NEDD9: variants seen among roughly 807,000 people sequenced by gnomAD.
NEDD9 encodes the protein neural precursor cell expressed, developmentally down-regulated 9.
Under a neutral mutation model 76.6 loss-of-function variants are expected in NEDD9, and 26 were observed. The observed-to-expected ratio is 0.34, with a 90% CI of 0.25 to 0.47. NEDD9 has a LOEUF of 0.47. NEDD9 is among the 20% of genes least tolerant of loss of function. The pLI is 1.00. For missense variants in NEDD9, 937 were observed against 1,058.5 expected (o/e 0.89, Z 1.59); for synonymous variants, 392 against 414.2 (o/e 0.95, Z 0.65).
chr6:11,343,394 A>C (rs1427599577), intron 1 of NEDD9, among the ~76,000 whole-genome samples: 3 of 151,506 alleles, frequency 2.0e-5, no homozygotes, highest in African/African-American at 7.3e-5. Context: ...GCGCCACTGC[A>C]CTCTAGCCTG....
At chr6:11,372,967 T>A (rs1273412257) in intron 1 of NEDD9, among the ~76,000 whole-genome samples, 2 of 152,206 alleles carry the variant, frequency 1.3e-5, no homozygotes, top group African/African-American at 4.8e-5. Context: ...TTATTTTTAA[T>A]GCTTGTCTTT....
chr6:11,226,781 ACAT>A lies in NEDD9; in HGVS notation c.12+5720_12+5722del, dbSNP rs371878401. ...ATATCTTTGTGGGTATGTGTATATA[ACAT>A]CATATAATAGCTGCCATTTATTAAA... On this transcript the variant is annotated intron_variant, in intron 1 of 6. Transcript: ENST00000379446. 1.1e-4 allele frequency among the ~76,000 whole-genome samples: 17 copies of A among 152,360 alleles called. No individual in the cohort carries two copies. In the East Asian group the frequency reaches 3.1e-3, roughly 28 times the overall value.
intron 3 of NEDD9, chr6:11,305,787 C>A: frequency 1.6e-6 from 1 of 606,512 alleles, no homozygotes; most frequent in Non-Finnish European, 2.9e-6. Flanking sequence ...AATAGGATGC[C>A]CTGTGGGCAT....
intron 2 of NEDD9, among the ~76,000 whole-genome samples, chr6:11,319,738 G>GCA (rs112941814): frequency 2.9e-4 from 35 of 120,586 alleles, no homozygotes; most frequent in South Asian, 9.2e-4. Context: ...ACACTAACAT[G>GCA]CACACACACA....
At chr6:11,333,327 C>T (rs1561838467) in intron 2 of NEDD9, among the ~76,000 whole-genome samples, 1 of 152,154 alleles carries the variant, frequency 6.6e-6, no homozygotes, top group African/African-American at 2.4e-5. Flanking sequence ...TTGTGTTAGG[C>T]AATGGAAACC....
intron 1 of NEDD9, among the ~76,000 whole-genome samples, chr6:11,358,173 C>T (rs1762615148): frequency 7.0e-6 from 1 of 142,700 alleles, no homozygotes; most frequent in South Asian, 2.2e-4. Context: ...CGCTTGAATC[C>T]GGAAGGCGGA....
At chr6:11,359,747 TC>T (rs1261719278) in intron 1 of NEDD9, among the ~76,000 whole-genome samples, 1 of 152,180 alleles carries the variant, frequency 6.6e-6, no homozygotes, top group Non-Finnish European at 1.5e-5. Context: ...AGGAAACCCA[TC>T]CTATAAGATT....
intron 3 of NEDD9, among the ~76,000 whole-genome samples, chr6:11,244,088 G>A (rs1461668042): frequency 6.6e-6 from 1 of 152,052 alleles, no homozygotes; most frequent in African/African-American, 2.4e-5. Flanking sequence ...AGGCCTTCAG[G>A]GAAAAGAGAC....
intron 1 of NEDD9, among the ~76,000 whole-genome samples, chr6:11,337,487 T>C (rs917380006): frequency 6.6e-6 from 1 of 152,204 alleles, no homozygotes; most frequent in Non-Finnish European, 1.5e-5. Flanking sequence ...TGCATTATTA[T>C]GTGATGTTAG....
chr6:11,221,744 A>G (rs115965391), intron 1 of NEDD9, among the ~76,000 whole-genome samples: 1,691 of 152,320 alleles, frequency 0.011, 30 homozygotes, highest in African/African-American at 0.038. Context: ...TCAGTACAGT[A>G]TCTTGGCAAG....
chr6:11,291,362 C>A (rs991512167), intron 3 of NEDD9, among the ~76,000 whole-genome samples: 8 of 150,368 alleles, frequency 5.3e-5, no homozygotes, highest in African/African-American at 2.0e-4. Context: ...GCAAGCTCCG[C>A]CTCCCGGGTT....
rs1455999750 is a variant in NEDD9 at position 11,311,798 on chromosome 6, G to A, written c.-152-5643C>T. ...GCGCAGAAGAAATTCCAGTTCCTCCGTTTTCACTGGTGACAGTCTGGTGCT... is the reference window on the plus strand; with the variant it reads ...GCGCAGAAGAAATTCCAGTTCCTCCATTTTCACTGGTGACAGTCTGGTGCT... On this transcript the variant is annotated intron_variant, in intron 2 of 3. Coordinates refer to the NEDD9 transcript ENST00000397378. 3.3e-5 allele frequency among the ~76,000 whole-genome samples: 5 copies of A among 152,232 alleles called. No homozygotes were observed. In the East Asian group the frequency reaches 5.8e-4, roughly 18 times the overall value.
chr6:11,297,011 G>A (rs1230391925), intron 3 of NEDD9, among the ~76,000 whole-genome samples: 1 of 152,166 alleles, frequency 6.6e-6, no homozygotes, highest in Non-Finnish European at 1.5e-5. Context: ...TTATAGGCGT[G>A]AGCCACCACG....
chr6:11,184,928 C>T lies in NEDD9; in HGVS notation c.*234G>A, dbSNP rs1908. The stretch of plus-strand genomic sequence containing the variant: ...AAAGCACGTGGACAAGTTTTCTGTA[C>T]AGTTTATGTCTCAGATACTTCTATG... On this transcript the variant is annotated 3_prime_UTR_variant, in exon 7 of 7. Coordinates refer to ENST00000379446, the MANE Select transcript of NEDD9 (RefSeq NM_006403.4). 57,201 of 422,076 alleles carry T rather than the reference C, an allele frequency of 0.14. 4,769 individuals carry two copies. Among genetic ancestry groups the T allele is most frequent in the Non-Finnish European group, 0.17 (42,415 of 243,302 alleles). 26.1% of individuals were successfully genotyped at this position (422,076 alleles called of 1,614,324 possible). A position where few individuals can be genotyped will look rare whatever the true frequency, so the allele number is the denominator to read the frequency against.
chr6:11,256,005 C>CCAT (rs1279860919), intron 3 of NEDD9, among the ~76,000 whole-genome samples: 2 of 152,134 alleles, frequency 1.3e-5, no homozygotes, highest in African/African-American at 4.8e-5. Flanking sequence ...CACTAGGCCC[C>CCAT]CATCAGCATG....
intron 3 of NEDD9, among the ~76,000 whole-genome samples, chr6:11,248,421 C>T (rs941045453): frequency 6.6e-6 from 1 of 152,188 alleles, no homozygotes; most frequent in Admixed American, 6.5e-5. Context: ...CACCTGGCTT[C>T]AAACCTCATG....
intron 2 of NEDD9, among the ~76,000 whole-genome samples, chr6:11,325,944 GA>G (rs1761917001): frequency 6.6e-6 from 1 of 152,132 alleles, no homozygotes; most frequent in South Asian, 2.1e-4. Context: ...CCAGGAGTTC[GA>G]GATCAGTCTG....
At chr6:11,211,058 G>A (rs1581959020) in intron 2 of NEDD9, among the ~76,000 whole-genome samples, 1 of 152,338 alleles carries the variant, frequency 6.6e-6, no homozygotes, top group East Asian at 1.9e-4. Context: ...GCAACTCCTG[G>A]AAGGGCTGGC....
intron 3 of NEDD9, among the ~76,000 whole-genome samples, chr6:11,260,626 T>C (rs893972999): frequency 6.6e-6 from 1 of 152,194 alleles, no homozygotes; most frequent in South Asian, 2.1e-4. Flanking sequence ...ATTGAGTGAA[T>C]GGGCTTGAAT....
Sources: allele counts gnomAD v4.1 joint callset (sites outside exome capture counted in the v4.1 genomes callset), GRCh38; gene constraint gnomAD v4.1.1; transcripts MANE v1.5; gene names NCBI Gene and HGNC (gene_info 2026-07-23, HGNC 2026-07-21).